The following ENOX1 variants were observed in gnomAD, a reference collection of about 807,000 sequenced individuals.
The protein encoded by ENOX1 is ecto-NOX disulfide-thiol exchanger 1.
A neutral mutation model predicts 82.5 loss-of-function variants in ENOX1; 42 were observed. The observed-to-expected ratio is 0.51, with a 90% CI of 0.40 to 0.66. The LOEUF is 0.66. Among genes scored for constraint, ENOX1 ranks in the 30% least tolerant of loss-of-function variants. The pLI is 0.00. For synonymous variants in ENOX1, 271 were observed against 282.2 expected, an observed-to-expected ratio of 0.96 and a Z score of 0.40; for missense variants, 608 against 811.6, an observed-to-expected ratio of 0.75 and a Z score of 3.05.
At chr13:43,241,051 A>G (rs901938424) in intron 14 of ENOX1, among the ~76,000 whole-genome samples, 1 of 152,190 alleles carries the variant, frequency 6.6e-6, no homozygotes, top group African/African-American at 2.4e-5. Context: ...ACAGTCTCTC[A>G]GTGGGATTTC....
At position 43,626,462 on chromosome 13, in the gene ENOX1, C is replaced by T. The variant is rs187889584; in HGVS notation, c.-219+41017G>A. Among the ~76,000 whole-genome samples the T allele has an allele frequency of 4.5e-4, 69 of 151,738 alleles. 4 individuals are homozygous for T. Among genetic ancestry groups the T allele is most frequent in the African/African-American group, 1.6e-3 (67 of 41,480 alleles). On this transcript the variant is annotated intron_variant, in intron 2 of 16. Coordinates refer to ENST00000690772, the MANE Select transcript of ENOX1 (RefSeq NM_001347969.2). ...TATGAATTTAGTCCTATAAATTTCC[C>T]TCTCATCACTGCTTTATCTACCTAC...
chr13:43,541,194 T>TTTTTTTTTTTTTTTTTTTTTC (rs2078707629), intron 2 of ENOX1, among the ~76,000 whole-genome samples: 1 of 105,192 alleles, frequency 9.5e-6, no homozygotes. Flanking sequence ...TTTTTTTTTT[T>TTTTTTTTTTTTTTTTTTTTTC]TTTTGCTAAA....
At chr13:43,659,012 T>C (rs540762988) in intron 2 of ENOX1, among the ~76,000 whole-genome samples, 3 of 152,278 alleles carry the variant, frequency 2.0e-5, no homozygotes, top group African/African-American at 7.2e-5. Flanking sequence ...TATTTTTGGA[T>C]GTAAGAACCA....
chr13:43,217,143 T>C (rs2041532253), intron 16 of ENOX1, among the ~76,000 whole-genome samples: 1 of 152,176 alleles, frequency 6.6e-6, no homozygotes, highest in African/African-American at 2.4e-5. Flanking sequence ...GAGAGGACCA[T>C]GGAGTAAGGA....
At chr13:43,498,579 C>G (rs2076871995) in intron 2 of ENOX1, among the ~76,000 whole-genome samples, 1 of 151,646 alleles carries the variant, frequency 6.6e-6, no homozygotes, top group Admixed American at 6.6e-5. Flanking sequence ...AACTGAATGA[C>G]TGAATCAATA....
chr13:43,500,710 G>A (rs904173734), intron 2 of ENOX1, among the ~76,000 whole-genome samples: 2 of 151,872 alleles, frequency 1.3e-5, no homozygotes, highest in African/African-American at 2.4e-5. Context: ...TAATGAAGAT[G>A]TATAAATTAC....
At chr13:43,376,878 C>T (rs2051674672) in intron 5 of ENOX1, among the ~76,000 whole-genome samples, 1 of 152,104 alleles carries the variant, frequency 6.6e-6, no homozygotes, top group Non-Finnish European at 1.5e-5. Context: ...GAAATCCGGG[C>T]ACTTCTACCC....
chr13:43,480,570 G>T (rs948600619), intron 3 of ENOX1, among the ~76,000 whole-genome samples: 1 of 152,150 alleles, frequency 6.6e-6, no homozygotes, highest in Non-Finnish European at 1.5e-5. Context: ...TTTTTCAATG[G>T]AAGCAGAAAT....
rs1176925034 is a variant in ENOX1, at chr13:43,709,264, AAC to A, written c.-284-41722_-284-41721del. On this transcript the variant is annotated intron_variant, in intron 1 of 16. Transcript: ENST00000690772. ...GAGGTAATAGGCCACAATATTGAAA[AAC>A]ACAATACATTCCAAAGGCTCAACAT... Among the ~76,000 whole-genome samples, 5 of 152,104 alleles carry A rather than the reference AAC, an allele frequency of 3.3e-5. No homozygotes were observed. The East Asian group carries it at 9.6e-4, about 29-fold the overall frequency.
chr13:43,686,151 C>T (rs1284045340), intron 1 of ENOX1, among the ~76,000 whole-genome samples: 4 of 152,086 alleles, frequency 2.6e-5, no homozygotes, highest in African/African-American at 7.2e-5. Flanking sequence ...AAGTAGCTCT[C>T]GGGATATACC....
chr13:43,213,759 G>T lies in ENOX1; in HGVS notation c.*231C>A. On this transcript the variant is annotated 3_prime_UTR_variant, in exon 17 of 17. Transcript: ENST00000690772. Reference sequence around the variant, plus strand: ...ATTATGACTGTGGAATCATTGTTTGGTTTTCATAGGAAACAGATCTGTCAC... The same window carrying T: ...ATTATGACTGTGGAATCATTGTTTGTTTTTCATAGGAAACAGATCTGTCAC... 1 of 315,978 alleles carries T rather than the reference G, an allele frequency of 3.2e-6. No homozygotes were observed. Among genetic ancestry groups the T allele is most frequent in the South Asian group, 7.0e-5 (1 of 14,252 alleles). 19.6% of individuals were successfully genotyped at this position (315,978 alleles called of 1,614,324 possible).
chr13:43,392,093 A>T (rs1406349635), intron 5 of ENOX1, among the ~76,000 whole-genome samples: 1 of 110,484 alleles, frequency 9.1e-6, no homozygotes, highest in African/African-American at 2.5e-5. Context: ...TCCTTCTCAT[A>T]CCTCAGAATC....
At chr13:43,675,953 C>G (rs1259594097) in intron 1 of ENOX1, among the ~76,000 whole-genome samples, 9 of 152,158 alleles carry the variant, frequency 5.9e-5, no homozygotes. Context: ...TCGTTAACAC[C>G]AAAGCAAACT....
chr13:43,317,930 G>A (rs563557746), intron 11 of ENOX1, among the ~76,000 whole-genome samples: 23 of 152,036 alleles, frequency 1.5e-4, no homozygotes, highest in Non-Finnish European at 2.4e-4. Flanking sequence ...GCGTGAACCC[G>A]GGAGGCAGAG....
intron 2 of ENOX1, among the ~76,000 whole-genome samples, chr13:43,538,738 C>T (rs936103889): frequency 6.6e-5 from 10 of 151,966 alleles, no homozygotes; most frequent in Non-Finnish European, 1.3e-4. Flanking sequence ...TCATTCTTAC[C>T]ACCTGGCTAT....
At chr13:43,292,378 G>A (rs1019976910) in intron 12 of ENOX1, among the ~76,000 whole-genome samples, 6 of 152,120 alleles carry the variant, frequency 3.9e-5, no homozygotes, top group Admixed American at 6.6e-5. Context: ...GGCATGGAGC[G>A]CCCACCTATT....
intron 2 of ENOX1, among the ~76,000 whole-genome samples, chr13:43,646,434 A>T (rs1310933279): frequency 1.3e-5 from 2 of 152,222 alleles, no homozygotes; most frequent in Non-Finnish European, 2.9e-5. Context: ...GTGCTCACGC[A>T]GTTAGGGCAA....
intron 2 of ENOX1, among the ~76,000 whole-genome samples, chr13:43,658,412 C>T (rs2084551138): frequency 1.3e-5 from 2 of 152,144 alleles, no homozygotes; most frequent in South Asian, 2.1e-4. Context: ...ATCACACACA[C>T]GCATGCCTCA....
intron 1 of ENOX1, among the ~76,000 whole-genome samples, chr13:43,687,048 A>G (rs1238297198): frequency 6.6e-6 from 1 of 152,186 alleles, no homozygotes; most frequent in African/African-American, 2.4e-5. Flanking sequence ...TAACGACGGA[A>G]TTTGATTCCT....
Sources: allele counts gnomAD v4.1 joint callset (sites outside exome capture counted in the v4.1 genomes callset), GRCh38; gene constraint gnomAD v4.1.1; transcripts MANE v1.5; gene names NCBI Gene and HGNC (gene_info 2026-07-23, HGNC 2026-07-21).